LAMA4: variants seen among roughly 807,000 people sequenced by gnomAD.
LAMA4 encodes laminin subunit alpha-4.
LAMA4 carries 127 observed loss-of-function variants against 207.1 expected under a neutral mutation model. The observed-to-expected ratio is 0.61, with a 90% CI of 0.53 to 0.71. The LOEUF is 0.71. LAMA4 is among the 30% of genes least tolerant of loss of function. LAMA4 has a pLI of 0.00. For missense variants in LAMA4, 2,093 were observed against 2,246.5 expected (o/e 0.93, Z 1.38); for synonymous variants, 761 against 816.0 (o/e 0.93, Z 1.15).
intron 8 of LAMA4, 24 bp downstream of exon 8, chr6:112,187,426 G>A: frequency 6.2e-7 from 1 of 1,613,922 alleles, no homozygotes; most frequent in African/African-American, 1.3e-5. Flanking sequence ...AAAACAGAGT[G>A]GAAAGTAGAA....
At position 112,162,504 on chromosome 6, in the gene LAMA4, TA is replaced by T. The variant is rs536603152; in HGVS notation, c.1668+2655del. On this transcript the variant is annotated intron_variant, in intron 13 of 38. Coordinates refer to ENST00000230538, the MANE Select transcript of LAMA4 (RefSeq NM_001105206.3). ...AATAACAATAAAAAAATAAATAAAA[TA>T]AAATAGAAAGAAAGAAATCAAGATT... is the stretch of plus-strand genomic sequence containing the variant. 1.2e-3 allele frequency among the ~76,000 whole-genome samples: 177 copies of T among 151,646 alleles called. 1 individual carries two copies. The highest frequency in any genetic ancestry group is 4.1e-3 in the African/African-American group (169 of 41,326).
At chr6:112,175,263 A>G in intron 11 of LAMA4, 50 bp downstream of exon 11, 1 of 1,592,384 alleles carries the variant, frequency 6.3e-7, no homozygotes, top group South Asian at 1.1e-5. Context: ...TATTGGACCC[A>G]CAAAGAGGGC....
intron 10 of LAMA4, among the ~76,000 whole-genome samples, chr6:112,176,449 T>C (rs1782030449): frequency 6.6e-6 from 1 of 152,220 alleles, no homozygotes; most frequent in Non-Finnish European, 1.5e-5. Flanking sequence ...ACATAAATCA[T>C]ACCAGGATAA....
intron 2 of LAMA4, among the ~76,000 whole-genome samples, chr6:112,247,976 G>A (rs1787118832): frequency 6.6e-6 from 1 of 151,752 alleles, no homozygotes. Context: ...AATGAAATAA[G>A]CTAGGCACAA....
Position 112,130,300 on chromosome 6 carries a change from T to TTGTGTGTG in LAMA4, c.3969-268_3969-261dup, listed in dbSNP as rs35563593. 2,905 of 382,118 alleles carry TTGTGTGTG rather than the reference T, an allele frequency of 7.6e-3. 22 individuals carry two copies. Among genetic ancestry groups the TTGTGTGTG allele is most frequent in the African/African-American group, 0.026 (1,228 of 46,770 alleles). The allele number at this position is 382,118 out of a possible 1,614,324, so 23.7% of individuals were successfully genotyped here. On this transcript the variant is annotated intron_variant, in intron 29 of 38. Transcript: ENST00000230538. Reference sequence around the variant, plus strand: ...AGATGACTAGTCATCAGCATTATTTTTGTGTGTGTGTGTGTGTGTGTGTGT... The same window carrying TTGTGTGTG: ...AGATGACTAGTCATCAGCATTATTTTTGTGTGTGTGTGTGTGTGTGTGTGTGTGTGTGT...
Position 112,191,530 on chromosome 6 carries a change from AG to A in LAMA4, c.718+105del, listed in dbSNP as rs1554348986. The A allele has an allele frequency of 8.6e-6, 7 of 810,360 alleles. No homozygotes were observed. The East Asian group carries it at 1.1e-4, about 12-fold the overall frequency. 50.2% of individuals were successfully genotyped at this position (810,360 alleles called of 1,614,324 possible). ...TGTACATTGCCCTGGGAAAGTGACA[AG>A]GGGGCACTCACAATACTTCCCCAAG... On this transcript the variant is annotated intron_variant, in intron 6 of 38. Transcript: ENST00000230538.
At chr6:112,172,294 C>T (rs565530697) in intron 12 of LAMA4, 10 of 309,404 alleles carry the variant, frequency 3.2e-5, no homozygotes, top group South Asian at 3.0e-4. Context: ...GATGCTTTGG[C>T]CTTCTAGTGC....
intron 6 of LAMA4, among the ~76,000 whole-genome samples, chr6:112,190,936 TTTCTTTCTTTCCTTTCTTTC>T (rs1386027315): frequency 0.012 from 854 of 68,866 alleles, 11 homozygotes; most frequent in South Asian, 0.022. Context: ...TCTTTCTTTC[TTTCTTTCTTTCCTTTCTTTC>T]TTTCTTTCTT....
chr6:112,236,260 C>G (rs1236749128), intron 2 of LAMA4: 1 of 152,216 alleles, frequency 6.6e-6, no homozygotes, highest in Non-Finnish European at 1.5e-5. Context: ...TTCTAACAGT[C>G]TAGAACTCTG....
At chr6:112,131,779 T>C (rs1463957753) in intron 28 of LAMA4, among the ~76,000 whole-genome samples, 1 of 152,096 alleles carries the variant, frequency 6.6e-6, no homozygotes, top group Non-Finnish European at 1.5e-5. Context: ...CTGATTCCAA[T>C]TAAATTGGAT....
At position 112,155,691 on chromosome 6, in the gene LAMA4, T is replaced by C; in HGVS notation, c.1833A>G (p.Ser611=). 2 of 1,614,166 alleles carry C rather than the reference T, an allele frequency of 1.2e-6. No individual in the cohort carries two copies. Among genetic ancestry groups the C allele is most frequent in the South Asian group, 1.1e-5 (1 of 91,084 alleles). Residue 611 remains serine (S), a synonymous_variant, in exon 15 of 39, where the codon TCA becomes TCG. Coordinates refer to ENST00000230538, the MANE Select transcript of LAMA4 (RefSeq NM_001105206.3). Reference sequence around the variant, plus strand: ...CCTTCTGTACCAGCCCGTTCATATCTGAACTGTGCAACTTCCTGTTAATAA... The same window carrying C: ...CCTTCTGTACCAGCCCGTTCATATCCGAACTGTGCAACTTCCTGTTAATAA... ...ANELSRKLHS[S]DMNGLVQKAL...
intron 25 of LAMA4, among the ~76,000 whole-genome samples, chr6:112,135,481 A>G (rs535083889): frequency 1.3e-5 from 2 of 152,322 alleles, no homozygotes; most frequent in East Asian, 3.9e-4. Context: ...TTTGAACTGA[A>G]AAGGGAAATA....
intron 9 of LAMA4, among the ~76,000 whole-genome samples, chr6:112,182,061 C>A (rs1562703146): frequency 2.0e-5 from 3 of 152,054 alleles, no homozygotes; most frequent in Admixed American, 2.0e-4. Flanking sequence ...TGCGCCACTG[C>A]ACACCAGCCT....
intron 2 of LAMA4, among the ~76,000 whole-genome samples, chr6:112,230,468 G>GA (rs1451063105): frequency 6.6e-6 from 1 of 152,134 alleles, no homozygotes; most frequent in Admixed American, 6.6e-5. Context: ...TTCCCTTTCT[G>GA]AAAAAATGGG....
chr6:112,203,267 A>G (rs1033695324), intron 4 of LAMA4, among the ~76,000 whole-genome samples: 8 of 152,296 alleles, frequency 5.3e-5, no homozygotes, highest in African/African-American at 7.2e-5. Context: ...ATCCTTAGGA[A>G]CTTAGAGAAA....
chr6:112,126,368 C>G (rs547495627), intron 31 of LAMA4, among the ~76,000 whole-genome samples: 3 of 152,218 alleles, frequency 2.0e-5, no homozygotes, highest in Non-Finnish European at 4.4e-5. Flanking sequence ...AGGGTAACAG[C>G]AAGACTCTAT....
At chr6:112,230,262 C>G (rs189918833) in intron 2 of LAMA4, among the ~76,000 whole-genome samples, 1 of 152,324 alleles carries the variant, frequency 6.6e-6, no homozygotes, top group African/African-American at 2.4e-5. Flanking sequence ...GATAGCACAG[C>G]CTCTAGACCT....
rs934590566 is a variant in LAMA4 at position 112,121,867 on chromosome 6, G to A, written c.4475+147C>T. 46 of 707,096 alleles carry A rather than the reference G, an allele frequency of 6.5e-5. No individual in the cohort carries two copies. The African/African-American group carries it at 6.7e-4, about 10-fold the overall frequency. 43.8% of individuals were successfully genotyped at this position (707,096 alleles called of 1,614,324 possible). A position where few individuals can be genotyped will look rare whatever the true frequency, so the allele number is the denominator to read the frequency against. On this transcript the variant is annotated intron_variant, in intron 32 of 38. Coordinates refer to ENST00000230538, the MANE Select transcript of LAMA4 (RefSeq NM_001105206.3). ...TAATTCTTTTGATAGCATAAATCAT[G>A]TACTATTTAGTGTTTATTTTGGTGA...
intron 24 of LAMA4, among the ~76,000 whole-genome samples, chr6:112,137,638 T>A (rs1193445259): frequency 1.3e-5 from 2 of 152,238 alleles, no homozygotes; most frequent in East Asian, 3.8e-4. Context: ...TGGCTAGTTA[T>A]ATGGATTTAA....
Sources: allele counts gnomAD v4.1 joint callset (sites outside exome capture counted in the v4.1 genomes callset), GRCh38; gene constraint gnomAD v4.1.1; transcripts MANE v1.5; gene names NCBI Gene and HGNC (gene_info 2026-07-23, HGNC 2026-07-21).